The following KCNJ6 variants were observed in gnomAD, a reference collection of about 807,000 sequenced individuals.
KCNJ6 encodes the protein potassium inwardly rectifying channel subfamily J member 6, also known as G protein-activated inward rectifier potassium channel 2.
In KCNJ6, 9 loss-of-function variants were observed where a neutral mutation model predicts 34.2. The observed-to-expected ratio is 0.26, with a 90% CI of 0.16 to 0.46. The LOEUF is 0.46. Among genes scored for constraint, KCNJ6 ranks in the 20% least tolerant of loss-of-function variants. The probability of loss-of-function intolerance (pLI) is 1.00; values close to 1 mark genes in which losing one functional copy is unlikely to be tolerated. For missense variants in KCNJ6, 236 were observed against 531.3 expected, an observed-to-expected ratio of 0.44 and a Z score of 5.46; for synonymous variants, 196 against 207.1, an observed-to-expected ratio of 0.95 and a Z score of 0.46.
intron 3 of KCNJ6, among the ~76,000 whole-genome samples, chr21:37,666,812 ATTC>A (rs1307862674): frequency 6.6e-6 from 1 of 151,972 alleles, no homozygotes; most frequent in Non-Finnish European, 1.5e-5. Context: ...ACTAAGAAAA[ATTC>A]TTCTGCCTTG....
intron 3 of KCNJ6, among the ~76,000 whole-genome samples, chr21:37,662,633 G>A (rs893645437): frequency 3.3e-5 from 5 of 152,264 alleles, no homozygotes; most frequent in African/African-American, 1.2e-4. Context: ...CCAGTAATGC[G>A]ATTGCTGGGT....
intron 2 of KCNJ6, among the ~76,000 whole-genome samples, chr21:37,745,682 G>A (rs1047298792): frequency 6.6e-6 from 1 of 152,206 alleles, no homozygotes; most frequent in African/African-American, 2.4e-5. Context: ...CAAAACAGGA[G>A]TAGGCAGATT....
chr21:37,663,556 T>G (rs990181600), intron 3 of KCNJ6, among the ~76,000 whole-genome samples: 2 of 151,974 alleles, frequency 1.3e-5, no homozygotes, highest in African/African-American at 4.8e-5. Flanking sequence ...TAGGAAGGGA[T>G]ATATCAAACA....
chr21:37,636,902 A>G (rs2123373155), intron 3 of KCNJ6, among the ~76,000 whole-genome samples: 1 of 152,368 alleles, frequency 6.6e-6, no homozygotes, highest in African/African-American at 2.4e-5. Context: ...TATGATTCCA[A>G]TAAAATTAGA....
At position 37,655,212 on chromosome 21, in the gene KCNJ6, TGTGTGTGTGTGTGAGAGAGAGAGAGAGA is replaced by T. The variant is rs1569438830; in HGVS notation, c.947-29756_947-29729del. On this transcript the variant is annotated intron_variant, in intron 3 of 3. Transcript: ENST00000609713. ...GTGTGTGTGTGTGTGTGTGTGTGTG[TGTGTGTGTGTGTGAGAGAGAGAGAGAGA>T]GAGAGAGAGAGAGAGAGAGAGAGAG... Among the ~76,000 whole-genome samples the T allele has an allele frequency of 3.7e-3, 223 of 60,100 alleles. 3 individuals are homozygous for T. The highest frequency in any genetic ancestry group is 7.5e-3 in the South Asian group (14 of 1,864). The allele number at this position is 60,100 out of a possible 152,430, so 39.4% of individuals were successfully genotyped here. A position where few individuals can be genotyped will look rare whatever the true frequency, so the allele number is the denominator to read the frequency against.
chr21:37,769,211 TC>T (rs2055105986), intron 2 of KCNJ6, among the ~76,000 whole-genome samples: 1 of 152,104 alleles, frequency 6.6e-6, no homozygotes, highest in South Asian at 2.1e-4. Flanking sequence ...TACGTGATGT[TC>T]CAGATGAAAA....
chr21:37,699,420 A>AT (rs886902591), intron 3 of KCNJ6, among the ~76,000 whole-genome samples: 28 of 152,136 alleles, frequency 1.8e-4, no homozygotes, highest in African/African-American at 5.8e-4. Context: ...GGGATAGAGC[A>AT]TTTTTTATTG....
At chr21:37,797,776 C>T (rs780500810) in intron 2 of KCNJ6, among the ~76,000 whole-genome samples, 5 of 152,302 alleles carry the variant, frequency 3.3e-5, no homozygotes, top group South Asian at 2.1e-4. Context: ...CTCCATCCCA[C>T]GTTTGCACCT....
chr21:37,830,292 A>G (rs1316860082), intron 2 of KCNJ6, among the ~76,000 whole-genome samples: 2 of 152,082 alleles, frequency 1.3e-5, no homozygotes, highest in African/African-American at 2.4e-5. Context: ...TAGCCTGGAG[A>G]CCACAGGCCT....
intron 1 of KCNJ6, among the ~76,000 whole-genome samples, chr21:37,893,570 G>A (rs1176978716): frequency 2.0e-5 from 3 of 151,832 alleles, no homozygotes; most frequent in Admixed American, 1.3e-4. Flanking sequence ...AACAGCACTC[G>A]GCTCCAGCAC....
At chr21:37,824,995 T>G (rs1298311838) in intron 2 of KCNJ6, among the ~76,000 whole-genome samples, 1 of 152,090 alleles carries the variant, frequency 6.6e-6, no homozygotes, top group Non-Finnish European at 1.5e-5. Flanking sequence ...CCGGCATCTG[T>G]AAGTCTCTGT....
rs1346982729 is a variant in KCNJ6, at chr21:37,617,224, T to TCATTC, written c.*7934_*7935insGAATG. The stretch of plus-strand genomic sequence containing the variant: ...TCCTTCCTTCCTTCCTTCCTTCTTT[T>TCATTC]CTTTCTTTTTTTGAGACTGAGTCTC... On this transcript the variant is annotated 3_prime_UTR_variant, in exon 4 of 4. Transcript: ENST00000609713. The TCATTC allele has an allele frequency of 2.7e-5, 3 of 113,000 alleles. No individual in the cohort carries two copies. The highest frequency in any genetic ancestry group is 1.0e-4 in the African/African-American group (3 of 29,744). The allele number at this position is 113,000 out of a possible 1,614,324, so 7.0% of individuals were successfully genotyped here.
intron 1 of KCNJ6, among the ~76,000 whole-genome samples, chr21:37,906,683 A>C (rs933473620): frequency 1.3e-5 from 2 of 152,172 alleles, no homozygotes; most frequent in Non-Finnish European, 2.9e-5. Flanking sequence ...AGAGACCCCC[A>C]ACAGTGGCCA....
chr21:37,789,569 C>A (rs1398179892), intron 2 of KCNJ6, among the ~76,000 whole-genome samples: 2 of 152,104 alleles, frequency 1.3e-5, no homozygotes, highest in Non-Finnish European at 2.9e-5. Context: ...TCATGGAAAC[C>A]TGAGCAGACT....
At chr21:37,828,743 C>T (rs558698200) in intron 2 of KCNJ6, among the ~76,000 whole-genome samples, 4 of 152,322 alleles carry the variant, frequency 2.6e-5, no homozygotes, top group African/African-American at 7.2e-5. Flanking sequence ...TGACCATCTG[C>T]TCACTCAATT....
chr21:37,856,551 C>T (rs1354867135), intron 1 of KCNJ6, among the ~76,000 whole-genome samples: 1 of 152,070 alleles, frequency 6.6e-6, no homozygotes, highest in East Asian at 1.9e-4. Flanking sequence ...AATGCCCTTG[C>T]TCTCAGGAGA....
rs1416472366 is a variant in KCNJ6 at position 37,728,891 on chromosome 21, T to G, written c.26-13760A>C. ...GTTTATCCTTTGGCATAAGTCCTTATCTGAAGTCTTGCCCATCAGCGACTG... is the reference window on the plus strand; with the variant it reads ...GTTTATCCTTTGGCATAAGTCCTTAGCTGAAGTCTTGCCCATCAGCGACTG... On this transcript the variant is annotated intron_variant, in intron 2 of 3. Transcript: ENST00000609713. Among the ~76,000 whole-genome samples the G allele has an allele frequency of 2.0e-5, 3 of 152,346 alleles. No homozygotes were observed. In the East Asian group the frequency reaches 5.8e-4, roughly 29 times the overall value.
intron 3 of KCNJ6, among the ~76,000 whole-genome samples, chr21:37,669,641 AAAC>A (rs1262221237): frequency 2.6e-5 from 4 of 152,090 alleles, no homozygotes; most frequent in South Asian, 2.1e-4. Flanking sequence ...GCAGGGATAA[AAAC>A]AACAATGCTT....
rs1015508477 is a variant in KCNJ6, at chr21:37,675,718, A to G, written c.946+38493T>C. On this transcript the variant is annotated intron_variant, in intron 3 of 3. Coordinates refer to ENST00000609713, the MANE Select transcript of KCNJ6 (RefSeq NM_002240.5). The surrounding 1 kb of genome is among the most constrained non-coding windows in gnomAD (Gnocchi z 4.2). ...TCCTGGAAGCAATTTCAAACCAGCA[A>G]GCAGGCTCTTATAGACTCTTACACC... is the stretch of plus-strand genomic sequence containing the variant. 6.6e-6 allele frequency among the ~76,000 whole-genome samples: 1 copy of G among 152,266 alleles called. No individual in the cohort carries two copies. Among genetic ancestry groups the G allele is most frequent in the Non-Finnish European group, 1.5e-5 (1 of 68,042 alleles).
Sources: allele counts gnomAD v4.1 joint callset (sites outside exome capture counted in the v4.1 genomes callset), GRCh38; gene constraint gnomAD v4.1.1; non-coding constraint Gnocchi (gnomAD v3.1); transcripts MANE v1.5; gene names NCBI Gene and HGNC (gene_info 2026-07-23, HGNC 2026-07-21).